The following MNAT1 variants were observed in gnomAD, a reference collection of about 807,000 sequenced individuals.
The protein encoded by MNAT1 is MNAT1 component of CDK activating kinase, also known as CDK-activating kinase assembly factor MAT1.
A neutral mutation model predicts 42.0 loss-of-function variants in MNAT1; 43 were observed. The observed-to-expected ratio is 1.02, with a 90% CI of 0.80 to 1.32. MNAT1 has a LOEUF of 1.32. Among genes scored for constraint, MNAT1 ranks in the 40% most tolerant of loss-of-function variants. The probability of loss-of-function intolerance (pLI) is 0.00; values close to 1 mark genes in which losing one functional copy is unlikely to be tolerated. For synonymous variants in MNAT1, 118 were observed against 120.0 expected (o/e 0.98, Z 0.11); for missense variants, 306 against 350.4 (o/e 0.87, Z 1.01).
chr14:60,963,128 C>T (rs1264347363), intron 7 of MNAT1, among the ~76,000 whole-genome samples: 4 of 152,042 alleles, frequency 2.6e-5, no homozygotes, highest in Non-Finnish European at 4.4e-5. Context: ...ATTACAGGTG[C>T]GTGCCACCAC....
chr14:60,877,097 G>A (rs997709712), intron 6 of MNAT1, among the ~76,000 whole-genome samples: 3 of 151,916 alleles, frequency 2.0e-5, no homozygotes, highest in African/African-American at 7.2e-5. Flanking sequence ...CAAACATTTA[G>A]CATTTTCTGT....
intron 1 of MNAT1, among the ~76,000 whole-genome samples, chr14:60,735,372 A>G (rs1374116036): frequency 2.0e-5 from 3 of 152,168 alleles, no homozygotes; most frequent in Non-Finnish European, 2.9e-5. Context: ...TACTGCTGCT[A>G]TTTATTGTAT....
intron 6 of MNAT1, among the ~76,000 whole-genome samples, chr14:60,843,363 C>T (rs553832439): frequency 5.8e-4 from 89 of 152,216 alleles, no homozygotes; most frequent in African/African-American, 1.1e-3. Context: ...CTCCGCCTCC[C>T]GGGTTCACGC....
chr14:60,884,045 G>C (rs773128099), intron 7 of MNAT1, among the ~76,000 whole-genome samples: 5 of 151,910 alleles, frequency 3.3e-5, no homozygotes, highest in Non-Finnish European at 7.4e-5. Context: ...TTTCTGCTTT[G>C]GATGTCCTTT....
intron 6 of MNAT1, among the ~76,000 whole-genome samples, chr14:60,840,241 A>G (rs749459683): frequency 1.3e-5 from 2 of 152,226 alleles, no homozygotes; most frequent in Non-Finnish European, 2.9e-5. Context: ...CAAAAAATCT[A>G]TTAGGGAAAA....
intron 1 of MNAT1, among the ~76,000 whole-genome samples, chr14:60,764,280 T>C (rs2030724541): frequency 6.6e-6 from 1 of 152,232 alleles, no homozygotes; most frequent in African/African-American, 2.4e-5. Flanking sequence ...GTTATATACT[T>C]ATGTACTTAA....
At chr14:60,782,886 C>T (rs2031513515) in intron 1 of MNAT1, among the ~76,000 whole-genome samples, 2 of 152,196 alleles carry the variant, frequency 1.3e-5, no homozygotes, top group South Asian at 4.1e-4. Flanking sequence ...CTTATATTAA[C>T]ACTTAGCAGA....
At chr14:60,843,038 A>C (rs1038653941) in intron 6 of MNAT1, among the ~76,000 whole-genome samples, 1 of 152,198 alleles carries the variant, frequency 6.6e-6, no homozygotes, top group South Asian at 2.1e-4. Context: ...CTGTTTAGCA[A>C]TTCTCTTGTT....
intron 6 of MNAT1, among the ~76,000 whole-genome samples, chr14:60,879,036 G>GT (rs879338805): frequency 2.1e-3 from 302 of 146,224 alleles, no homozygotes; most frequent in East Asian, 2.6e-3. Context: ...GCATGAACAA[G>GT]TTTTTTTTTT....
At chr14:60,842,338 G>T (rs1476278353) in intron 6 of MNAT1, among the ~76,000 whole-genome samples, 1 of 152,044 alleles carries the variant, frequency 6.6e-6, no homozygotes, top group Non-Finnish European at 1.5e-5. Flanking sequence ...AATTATAGCT[G>T]CCCTGGGATC....
intron 7 of MNAT1, among the ~76,000 whole-genome samples, chr14:60,912,156 T>G (rs1396226169): frequency 2.0e-5 from 3 of 152,204 alleles, no homozygotes; most frequent in Admixed American, 1.3e-4. Context: ...CTGCCTTTTT[T>G]TGTTTTCCGT....
At chr14:60,833,845 A>G (rs1463276803) in intron 6 of MNAT1, among the ~76,000 whole-genome samples, 4 of 152,100 alleles carry the variant, frequency 2.6e-5, no homozygotes, top group African/African-American at 9.7e-5. Context: ...TACTGCCTCC[A>G]TTTCAGAACT....
intron 6 of MNAT1, among the ~76,000 whole-genome samples, chr14:60,846,363 A>G (rs1167787028): frequency 6.6e-6 from 1 of 152,006 alleles, no homozygotes; most frequent in African/African-American, 2.4e-5. Context: ...GATCTTTTCA[A>G]AGAATCAACC....
intron 7 of MNAT1, among the ~76,000 whole-genome samples, chr14:60,923,203 C>T (rs986822806): frequency 1.3e-5 from 2 of 152,160 alleles, no homozygotes; most frequent in African/African-American, 4.8e-5. Flanking sequence ...ATATCAGAAT[C>T]ACCTAGAGGG....
chr14:60,872,446 G>A (rs1476076971), intron 6 of MNAT1, among the ~76,000 whole-genome samples: 1 of 152,030 alleles, frequency 6.6e-6, no homozygotes, highest in Non-Finnish European at 1.5e-5. Flanking sequence ...AGCTCTCTCT[G>A]GTTTTCACAT....
intron 1 of MNAT1, among the ~76,000 whole-genome samples, chr14:60,765,022 G>A (rs1398050376): frequency 2.6e-5 from 4 of 152,088 alleles, no homozygotes; most frequent in African/African-American, 7.2e-5. Context: ...AGGCTGAGGC[G>A]GGTGGATCAC....
chr14:60,907,030 G>A (rs961909443), intron 7 of MNAT1, among the ~76,000 whole-genome samples: 3 of 151,852 alleles, frequency 2.0e-5, no homozygotes, highest in African/African-American at 7.3e-5. Flanking sequence ...AAATTTATAT[G>A]GTTTTGGAAT....
intron 6 of MNAT1, among the ~76,000 whole-genome samples, chr14:60,845,573 G>T (rs1193032701): frequency 6.6e-6 from 1 of 151,912 alleles, no homozygotes; most frequent in Non-Finnish European, 1.5e-5. Flanking sequence ...CTCACATTAA[G>T]CATATGATTT....
intron 1 of MNAT1, among the ~76,000 whole-genome samples, chr14:60,791,396 T>G (rs1391751110): frequency 6.6e-6 from 1 of 152,182 alleles, no homozygotes; most frequent in East Asian, 1.9e-4. Context: ...GATGAATTCT[T>G]TTGCTTCATA....
Sources: gnomAD v4.1 joint callset for allele counts (sites outside exome capture counted in the v4.1 genomes callset) on GRCh38, gnomAD v4.1.1 for gene constraint, MANE v1.5 for transcripts, NCBI Gene and HGNC (gene_info 2026-07-23, HGNC 2026-07-21) for gene names.